Variants in CNTN5 observed in about 807,000 individuals in gnomAD.
CNTN5 encodes the protein contactin-5.
In CNTN5, 77 loss-of-function variants were observed where a neutral mutation model predicts 129.1. The observed-to-expected ratio is 0.60, with a 90% CI of 0.50 to 0.72. The LOEUF (loss-of-function observed/expected upper bound fraction) is 0.72, where lower values mean the gene tolerates loss of function less well. Ranked by LOEUF, CNTN5 falls within the 30% of genes least tolerant of loss-of-function variation. CNTN5 has a pLI of 0.00. For missense variants in CNTN5, 1,478 were observed against 1,328.8 expected, an observed-to-expected ratio of 1.11 and a Z score of -1.75; for synonymous variants, 509 against 465.6, an observed-to-expected ratio of 1.09 and a Z score of -1.20.
chr11:99,670,088 C>A (rs1293105660), intron 3 of CNTN5, among the ~76,000 whole-genome samples: 1 of 152,054 alleles, frequency 6.6e-6, no homozygotes, highest in Non-Finnish European at 1.5e-5. Context: ...TCTTATTATT[C>A]TACTTGTCAG....
intron 9 of CNTN5, among the ~76,000 whole-genome samples, chr11:100,051,953 C>T (rs1334147935): frequency 6.6e-6 from 1 of 151,708 alleles, no homozygotes; most frequent in East Asian, 1.9e-4. Context: ...ATTAAAAACC[C>T]TTATACTATA....
At chr11:100,157,718 A>C (rs191749249) in intron 13 of CNTN5, among the ~76,000 whole-genome samples, 159 of 151,982 alleles carry the variant, frequency 1.0e-3, no homozygotes, top group African/African-American at 3.7e-3. Flanking sequence ...AAGAATGCAG[A>C]ATTTAAATAA....
chr11:99,731,955 G>A (rs550739419), intron 3 of CNTN5, among the ~76,000 whole-genome samples: 1 of 152,272 alleles, frequency 6.6e-6, no homozygotes, highest in South Asian at 2.1e-4. Context: ...AATTATTGGT[G>A]TCCATATTTA....
intron 3 of CNTN5, among the ~76,000 whole-genome samples, chr11:99,635,550 T>C (rs531178909): frequency 8.5e-5 from 13 of 152,148 alleles, no homozygotes; most frequent in Admixed American, 8.5e-4. Flanking sequence ...GCTTGCCAAT[T>C]CCTGAGTCGA....
intron 18 of CNTN5, among the ~76,000 whole-genome samples, chr11:100,297,372 T>C (rs1286875717): frequency 6.6e-6 from 1 of 151,502 alleles, no homozygotes; most frequent in African/African-American, 2.4e-5. Context: ...AGCTATAGTG[T>C]TAATTATTAT....
At chr11:99,416,256 C>T (rs1446527617) in intron 2 of CNTN5, among the ~76,000 whole-genome samples, 1 of 151,982 alleles carries the variant, frequency 6.6e-6, no homozygotes, top group Non-Finnish European at 1.5e-5. Context: ...ATTATCTAAA[C>T]TTTTACATAA....
At chr11:100,014,025 G>A (rs1262268552) in intron 9 of CNTN5, among the ~76,000 whole-genome samples, 2 of 152,098 alleles carry the variant, frequency 1.3e-5, no homozygotes, top group South Asian at 2.1e-4. Context: ...CTCCACTAGA[G>A]AAAGATCAAT....
At chr11:99,529,564 T>A (rs1947618997) in intron 2 of CNTN5, among the ~76,000 whole-genome samples, 1 of 152,184 alleles carries the variant, frequency 6.6e-6, no homozygotes, top group Admixed American at 6.5e-5. Context: ...AACATTAGGG[T>A]TAAGGCATTT....
chr11:99,248,994 TC>T (rs1435899602), intron 1 of CNTN5, among the ~76,000 whole-genome samples: 3 of 152,194 alleles, frequency 2.0e-5, no homozygotes, highest in African/African-American at 7.2e-5. Flanking sequence ...TTTTTCCAAT[TC>T]TGCGAAGAAA....
chr11:99,426,849 G>A (rs1943142789), intron 2 of CNTN5, among the ~76,000 whole-genome samples: 1 of 152,130 alleles, frequency 6.6e-6, no homozygotes, highest in African/African-American at 2.4e-5. Context: ...TTTAGAAGGA[G>A]TTGGTGTCCT....
At chr11:99,899,229 C>T (rs12417383) in intron 6 of CNTN5, among the ~76,000 whole-genome samples, 9,571 of 151,904 alleles carry the variant, frequency 0.063, 604 homozygotes, top group East Asian at 0.28. Flanking sequence ...CTTTCTCTTA[C>T]GTGATAGCTC....
chr11:99,657,067 GAAAA>G (rs35174748), intron 3 of CNTN5, among the ~76,000 whole-genome samples: 1 of 140,884 alleles, frequency 7.1e-6, no homozygotes, highest in African/African-American at 2.7e-5. Flanking sequence ...CAAAAAATAA[GAAAA>G]AAAAAAAAGA....
At chr11:99,291,483 T>G (rs1223103924) in intron 1 of CNTN5, among the ~76,000 whole-genome samples, 1 of 151,952 alleles carries the variant, frequency 6.6e-6, no homozygotes, top group Admixed American at 6.6e-5. Context: ...TATTTTACGT[T>G]TTAGTTAGAA....
intron 3 of CNTN5, among the ~76,000 whole-genome samples, chr11:99,817,596 GTTTTT>G (rs372057505): frequency 5.0e-5 from 5 of 99,624 alleles, no homozygotes; most frequent in South Asian, 4.3e-4. Flanking sequence ...GTCTGGGATA[GTTTTT>G]TTTTTTTTTT....
intron 1 of CNTN5, among the ~76,000 whole-genome samples, chr11:99,107,938 T>TA (rs55786739): frequency 0.023 from 2,396 of 103,482 alleles, 25 homozygotes; most frequent in Non-Finnish European, 0.031. Context: ...CTCAAAAAAG[T>TA]AAAAAAAAAA....
At chr11:99,748,371 T>C (rs773516841) in intron 3 of CNTN5, among the ~76,000 whole-genome samples, 1 of 152,016 alleles carries the variant, frequency 6.6e-6, no homozygotes, top group Admixed American at 6.6e-5. Flanking sequence ...TTAAGACTAC[T>C]GATTCAATCT....
chr11:99,370,354 G>T (rs978711872), intron 2 of CNTN5, among the ~76,000 whole-genome samples: 2 of 152,214 alleles, frequency 1.3e-5, no homozygotes, highest in African/African-American at 4.8e-5. Context: ...CAAGTTTTTA[G>T]GTCGCAAAGA....
chr11:99,657,961 G>A (rs1442563191), intron 3 of CNTN5, among the ~76,000 whole-genome samples: 2 of 152,080 alleles, frequency 1.3e-5, no homozygotes, highest in African/African-American at 2.4e-5. Context: ...TACTATGTTT[G>A]TAAATGCAAT....
intron 1 of CNTN5, among the ~76,000 whole-genome samples, chr11:99,123,746 A>G (rs1024355423): frequency 2.6e-5 from 4 of 151,518 alleles, no homozygotes; most frequent in Non-Finnish European, 5.9e-5. Flanking sequence ...AAGGGGTCCA[A>G]TTTCAATCTT....
Sources: gnomAD v4.1 joint callset for allele counts (sites outside exome capture counted in the v4.1 genomes callset) on GRCh38, gnomAD v4.1.1 for gene constraint, MANE v1.5 for transcripts, NCBI Gene and HGNC (gene_info 2026-07-23, HGNC 2026-07-21) for gene names.